The following PITPNC1 variants were observed in gnomAD, a reference collection of about 807,000 sequenced individuals.
The protein encoded by PITPNC1 is phosphatidylinositol transfer protein cytoplasmic 1.
Under a neutral mutation model 44.7 loss-of-function variants are expected in PITPNC1, and 18 were observed. The ratio of observed to expected loss-of-function variants is 0.40; its 90% CI spans 0.28 to 0.60. The LOEUF is 0.60. Ranked by LOEUF, PITPNC1 falls within the 20% of genes least tolerant of loss-of-function variation. The probability of loss-of-function intolerance (pLI) is 0.39; values close to 1 mark genes in which losing one functional copy is unlikely to be tolerated. For synonymous variants in PITPNC1, 141 were observed against 149.6 expected (o/e 0.94, Z 0.42); for missense variants, 290 against 418.4 (o/e 0.69, Z 2.68).
intron 1 of PITPNC1, among the ~76,000 whole-genome samples, chr17:67,493,550 T>G (rs1309109925): frequency 6.6e-6 from 1 of 152,246 alleles, no homozygotes; most frequent in Non-Finnish European, 1.5e-5. Flanking sequence ...GAAATAGTGC[T>G]GGTACAGCGG....
At position 67,474,786 on chromosome 17, in the gene PITPNC1, C is replaced by G. The variant is rs1224451444; in HGVS notation, c.49-58016C>G. 2.0e-5 allele frequency among the ~76,000 whole-genome samples: 3 copies of G among 151,994 alleles called. No individual in the cohort carries two copies. In the South Asian group the frequency reaches 6.2e-4, roughly 31 times the overall value. ...CCTCCCACCTCAGCCTCCTGAGAAGCTAGGACTGCAGGTGCACACCACCAT... is the reference window on the plus strand; with the variant it reads ...CCTCCCACCTCAGCCTCCTGAGAAGGTAGGACTGCAGGTGCACACCACCAT... On this transcript the variant is annotated intron_variant, in intron 1 of 8. Coordinates refer to ENST00000581322, the MANE Select transcript of PITPNC1 (RefSeq NM_012417.4).
intron 1 of PITPNC1, chr17:67,524,337 C>T (rs1031346302): frequency 6.6e-6 from 1 of 151,884 alleles, no homozygotes; most frequent in African/African-American, 2.4e-5. Flanking sequence ...CCCAGTGACT[C>T]AAGAGGCTGA....
intron 1 of PITPNC1, among the ~76,000 whole-genome samples, chr17:67,414,935 C>T (rs1287043846): frequency 1.3e-5 from 2 of 152,024 alleles, no homozygotes; most frequent in Non-Finnish European, 2.9e-5. Flanking sequence ...CTATATAGTG[C>T]AGTGGTATGA....
chr17:67,495,040 GTTTTTTTTTTTGTT>G lies in PITPNC1; in HGVS notation c.49-37750_49-37737del, dbSNP rs767328330. Among the ~76,000 whole-genome samples the G allele has an allele frequency of 3.7e-3, 242 of 64,702 alleles. 4 individuals carry two copies. Among genetic ancestry groups the G allele is most frequent in the South Asian group, 0.02 (31 of 1,572 alleles). The allele number at this position is 64,702 out of a possible 152,430, so 42.4% of individuals were successfully genotyped here. On this transcript the variant is annotated intron_variant, in intron 1 of 8. Transcript: ENST00000581322. ...TTTGGCAATATTGAGCCATGGAGTTGTTTTTTTTTTTGTTTTTTTTTTTTTTTTTTTTTTGAGAC... is the reference window on the plus strand; with the variant it reads ...TTTGGCAATATTGAGCCATGGAGTTGTTTTTTTTTTTTTTTTTTTTGAGAC...
chr17:67,640,366 T>C (rs567252019), intron 6 of PITPNC1, among the ~76,000 whole-genome samples: 1 of 152,230 alleles, frequency 6.6e-6, no homozygotes, highest in African/African-American at 2.4e-5. Flanking sequence ...AGGGTCTGGA[T>C]GATGCCAGTG....
At chr17:67,436,245 C>T (rs1025819975) in intron 1 of PITPNC1, among the ~76,000 whole-genome samples, 1 of 152,170 alleles carries the variant, frequency 6.6e-6, no homozygotes, top group South Asian at 2.1e-4. Flanking sequence ...AAAGGATCCT[C>T]CTGCCTCAGC....
intron 1 of PITPNC1, among the ~76,000 whole-genome samples, chr17:67,413,748 T>C (rs910494616): frequency 5.3e-5 from 8 of 152,114 alleles, no homozygotes; most frequent in South Asian, 2.1e-4. Context: ...CCCCAAATCA[T>C]TGATGTTGCT....
At chr17:67,495,871 T>C (rs988090580) in intron 1 of PITPNC1, among the ~76,000 whole-genome samples, 6 of 152,218 alleles carry the variant, frequency 3.9e-5, no homozygotes, top group Admixed American at 1.3e-4. Context: ...CTCTATGATG[T>C]TGTCACGCTG....
intron 1 of PITPNC1, among the ~76,000 whole-genome samples, chr17:67,515,435 T>C (rs2040247955): frequency 6.6e-6 from 1 of 152,178 alleles, no homozygotes; most frequent in African/African-American, 2.4e-5. Flanking sequence ...AGACAGGAAC[T>C]TAGATTGTAC....
chr17:67,397,870 G>A (rs1019007386), intron 1 of PITPNC1, among the ~76,000 whole-genome samples: 3 of 152,160 alleles, frequency 2.0e-5, no homozygotes, highest in African/African-American at 4.8e-5. Flanking sequence ...GAGGCGGGCC[G>A]ATCACGAGGT....
intron 1 of PITPNC1, among the ~76,000 whole-genome samples, chr17:67,467,867 G>C (rs1433278941): frequency 2.0e-5 from 3 of 152,144 alleles, no homozygotes; most frequent in Non-Finnish European, 4.4e-5. Context: ...AAACTGACAT[G>C]GTCCCTAATG....
At chr17:67,652,591 A>G (rs28402109) in intron 6 of PITPNC1, among the ~76,000 whole-genome samples, 8,471 of 152,200 alleles carry the variant, frequency 0.056, 779 homozygotes, top group African/African-American at 0.19. Flanking sequence ...CTCATTGTGG[A>G]TGAATTTATA....
At chr17:67,656,726 A>ATC (rs2042273109) in intron 6 of PITPNC1, among the ~76,000 whole-genome samples, 5 of 152,176 alleles carry the variant, frequency 3.3e-5, no homozygotes, top group African/African-American at 1.2e-4. Context: ...GGAAAGGCCC[A>ATC]GGGGATTTTT....
chr17:67,627,190 T>TTGCA (rs2041906616), intron 5 of PITPNC1, among the ~76,000 whole-genome samples: 1 of 152,070 alleles, frequency 6.6e-6, no homozygotes, highest in Non-Finnish European at 1.5e-5. Context: ...GTGGCAGAGG[T>TTGCA]TGCAGTGAGC....
In PITPNC1 at chr17:67,471,450, GTCT is replaced by G. The variant is rs757975110; in HGVS notation, c.49-61349_49-61347del. 2,621 of 360,182 alleles carry G rather than the reference GTCT, an allele frequency of 7.3e-3. 79 individuals carry two copies. The East Asian group carries it at 0.11, about 15-fold the overall frequency. The allele number at this position is 360,182 out of a possible 1,614,324, so 22.3% of individuals were successfully genotyped here. A position where few individuals can be genotyped will look rare whatever the true frequency, so the allele number is the denominator to read the frequency against. ...CATACAAGTCCTTGTGTGGACCTAC[GTCT>G]TCATTTGAGAGATTTTTTTCCTTTT... On this transcript the variant is annotated intron_variant, in intron 1 of 8. Coordinates refer to ENST00000581322, the MANE Select transcript of PITPNC1 (RefSeq NM_012417.4).
At chr17:67,650,223 A>G (rs1319480750) in intron 6 of PITPNC1, among the ~76,000 whole-genome samples, 4 of 152,106 alleles carry the variant, frequency 2.6e-5, no homozygotes, top group Non-Finnish European at 5.9e-5. Context: ...AACCAAATCT[A>G]TTTTGTATTA....
chr17:67,378,377 C>T (rs1030548886), intron 1 of PITPNC1, among the ~76,000 whole-genome samples, 175 bp downstream of exon 1: 5 of 152,080 alleles, frequency 3.3e-5, no homozygotes, highest in African/African-American at 1.2e-4. Flanking sequence ...GTCACCCCAG[C>T]GGGGGAGGGC....
In PITPNC1 at chr17:67,692,709, A is replaced by G; in HGVS notation, c.820A>G (p.Ser274Gly). 1.2e-6 allele frequency: 2 copies of G among 1,613,792 alleles called. No homozygotes were observed. The highest frequency in any genetic ancestry group is 1.7e-6 in the Non-Finnish European group (2 of 1,179,802). ...TTCTTCCGTCCGCAGTGCGCCTTCT[A>G]GTGCTCCATCCACCCCTCTCTCCAC... The part of the protein sequence containing the change: ...LPSSVRSAPS[S>G]APSTPLSTDA... The change falls in exon 9 of 9, where the codon AGT becomes GGT. Residue 274 changes from serine to glycine, a missense_variant. Coordinates refer to ENST00000581322, the MANE Select transcript of PITPNC1 (RefSeq NM_012417.4).
intron 4 of PITPNC1, among the ~76,000 whole-genome samples, chr17:67,570,835 T>G (rs1426153995): frequency 6.6e-6 from 1 of 151,966 alleles, no homozygotes; most frequent in Non-Finnish European, 1.5e-5. Context: ...GTTAGGTGCC[T>G]GCTGCTGCAT....
Sources: gnomAD v4.1 joint callset for allele counts (sites outside exome capture counted in the v4.1 genomes callset) on GRCh38, gnomAD v4.1.1 for gene constraint, MANE v1.5 for transcripts, NCBI Gene and HGNC (gene_info 2026-07-23, HGNC 2026-07-21) for gene names.